GABRA2: variants seen among roughly 807,000 people sequenced by gnomAD.
GABRA2 encodes the protein gamma-aminobutyric acid type A receptor subunit alpha2, also known as gamma-aminobutyric acid receptor subunit alpha-2.
A neutral mutation model predicts 48.7 loss-of-function variants in GABRA2; 16 were observed. The observed-to-expected ratio is 0.33, with a 90% CI of 0.22 to 0.50. The LOEUF (loss-of-function observed/expected upper bound fraction) is 0.50, where lower values mean the gene tolerates loss of function less well. Ranked by LOEUF, GABRA2 falls within the 20% of genes least tolerant of loss-of-function variation. The probability of loss-of-function intolerance (pLI) is 0.98; values close to 1 mark genes in which losing one functional copy is unlikely to be tolerated. For missense variants in GABRA2, 275 were observed against 535.6 expected (o/e 0.51, Z 4.80); for synonymous variants, 185 against 184.5 (o/e 1.00, Z -0.02).
chr4:46,343,498 T>A (rs1332624928), intron 3 of GABRA2, among the ~76,000 whole-genome samples: 3 of 151,742 alleles, frequency 2.0e-5, no homozygotes. Context: ...CTAACCAGCA[T>A]AGGGGAAACT....
chr4:46,313,482 T>A (rs1331444347), intron 4 of GABRA2, among the ~76,000 whole-genome samples: 1 of 152,098 alleles, frequency 6.6e-6, no homozygotes, highest in Non-Finnish European at 1.5e-5. Context: ...CATGTTAAAA[T>A]GTACTTTAAA....
chr4:46,380,629 G>A (rs947220644), intron 3 of GABRA2, among the ~76,000 whole-genome samples: 1 of 152,142 alleles, frequency 6.6e-6, no homozygotes, highest in African/African-American at 2.4e-5. Context: ...CTGAAGCAAG[G>A]AGAGGTTGAG....
intron 4 of GABRA2, among the ~76,000 whole-genome samples, chr4:46,329,118 A>G (rs1001868583): frequency 5.9e-5 from 9 of 152,204 alleles, no homozygotes; most frequent in Admixed American, 5.2e-4. Context: ...TGATCAAACT[A>G]TCTCCTGGTC....
intron 3 of GABRA2, among the ~76,000 whole-genome samples, chr4:46,340,115 C>T (rs1030210066): frequency 3.5e-4 from 53 of 151,792 alleles, no homozygotes; most frequent in African/African-American, 2.7e-4. Context: ...GACTTCTTAC[C>T]TCCTCTGTTG....
intron 8 of GABRA2, among the ~76,000 whole-genome samples, chr4:46,294,095 C>G (rs1311714790): frequency 2.0e-5 from 3 of 152,204 alleles, no homozygotes. Flanking sequence ...CAGCAACACC[C>G]CTTTACTTTC....
intron 8 of GABRA2, among the ~76,000 whole-genome samples, chr4:46,264,579 G>A (rs1388752656): frequency 1.3e-5 from 2 of 151,912 alleles, no homozygotes; most frequent in Non-Finnish European, 2.9e-5. Flanking sequence ...GCTGATTTTA[G>A]TTTGCTAGTA....
chr4:46,329,291 T>C lies in GABRA2; in HGVS notation c.255+3324A>G, dbSNP rs139234938. Among the ~76,000 whole-genome samples the C allele has an allele frequency of 7.2e-4, 110 of 152,202 alleles. 1 individual carries two copies. Among genetic ancestry groups the C allele is most frequent in the Middle Eastern group, 3.4e-3 (1 of 294 alleles). On this transcript the variant is annotated intron_variant, in intron 4 of 9. Transcript: ENST00000381620. ...CTAATACAATGTCAGGTTTTGTCAA[T>C]AGAGGGTGCTGGAGGGACACTCCAA...
intron 8 of GABRA2, among the ~76,000 whole-genome samples, chr4:46,283,099 C>A (rs1238423233): frequency 6.6e-6 from 1 of 152,138 alleles, no homozygotes; most frequent in Admixed American, 6.5e-5. Flanking sequence ...AAACTACTAG[C>A]TATCAATCTG....
At chr4:46,317,448 A>G (rs2109727837) in intron 4 of GABRA2, among the ~76,000 whole-genome samples, 1 of 151,934 alleles carries the variant, frequency 6.6e-6, no homozygotes, top group Non-Finnish European at 1.5e-5. Flanking sequence ...CATTATTAAG[A>G]GTAAGAATGT....
In GABRA2 at chr4:46,339,040, T is replaced by C. The variant is rs139473534; in HGVS notation, c.188-6358A>G. Reference sequence around the variant, plus strand: ...ATATAGTTCCCAACACAATGGAATATAGCAATGAGTAAGTGAGTGAGTGAG... The same window carrying C: ...ATATAGTTCCCAACACAATGGAATACAGCAATGAGTAAGTGAGTGAGTGAG... On this transcript the variant is annotated intron_variant, in intron 3 of 9. Transcript: ENST00000381620. Among the ~76,000 whole-genome samples, 636 of 152,004 alleles carry C rather than the reference T, an allele frequency of 4.2e-3. 4 individuals carry two copies. The highest frequency in any genetic ancestry group is 0.015 in the African/African-American group (619 of 41,540).
chr4:46,289,763 T>G (rs1723230480), intron 8 of GABRA2, among the ~76,000 whole-genome samples: 1 of 152,148 alleles, frequency 6.6e-6, no homozygotes, highest in Non-Finnish European at 1.5e-5. Context: ...GTTTCTGGGC[T>G]CTCAATTCTA....
At chr4:46,372,121 A>T (rs1321500952) in intron 3 of GABRA2, among the ~76,000 whole-genome samples, 1 of 152,148 alleles carries the variant, frequency 6.6e-6, no homozygotes, top group Non-Finnish European at 1.5e-5. Flanking sequence ...AGGCACTGAA[A>T]GAAGAAGTAA....
At chr4:46,335,124 A>T (rs1005559535) in intron 3 of GABRA2, among the ~76,000 whole-genome samples, 4 of 152,146 alleles carry the variant, frequency 2.6e-5, no homozygotes, top group Non-Finnish European at 5.9e-5. Context: ...GGCTTTCTAT[A>T]AGACAAGGAA....
chr4:46,282,714 C>T (rs1245757669), intron 8 of GABRA2, among the ~76,000 whole-genome samples: 1 of 152,134 alleles, frequency 6.6e-6, no homozygotes, highest in Non-Finnish European at 1.5e-5. Flanking sequence ...AAAGATCAGA[C>T]CATCCTTTAA....
intron 9 of GABRA2, among the ~76,000 whole-genome samples, chr4:46,252,775 A>T (rs909699740): frequency 1.3e-5 from 2 of 151,526 alleles, no homozygotes; most frequent in Non-Finnish European, 3.0e-5. Flanking sequence ...TTGAAACATC[A>T]TTTAAAATGA....
intron 8 of GABRA2, among the ~76,000 whole-genome samples, chr4:46,298,575 C>T (rs542972416): frequency 2.6e-5 from 4 of 152,100 alleles, no homozygotes; most frequent in East Asian, 3.9e-4. Context: ...CCTCCACCCA[C>T]TTATCCGTTA....
At chr4:46,253,269 AT>A (rs1201699082) in intron 9 of GABRA2, among the ~76,000 whole-genome samples, 2 of 151,418 alleles carry the variant, frequency 1.3e-5, no homozygotes, top group African/African-American at 4.8e-5. Flanking sequence ...AGTTGCACAT[AT>A]ATGCTCAGGA....
At chr4:46,313,509 G>A (rs998965681) in intron 4 of GABRA2, among the ~76,000 whole-genome samples, 1 of 151,748 alleles carries the variant, frequency 6.6e-6, no homozygotes, top group African/African-American at 2.4e-5. Context: ...TTACAGACCC[G>A]CTAGTGATCA....
At chr4:46,302,126 C>T (rs1319042673) in intron 8 of GABRA2, among the ~76,000 whole-genome samples, 15 of 151,212 alleles carry the variant, frequency 9.9e-5, no homozygotes, top group Admixed American at 5.9e-4. Context: ...TGGAGTGCAA[C>T]GGCATGATCA....
Sources: allele counts gnomAD v4.1 joint callset (sites outside exome capture counted in the v4.1 genomes callset), GRCh38; gene constraint gnomAD v4.1.1; transcripts MANE v1.5; gene names NCBI Gene and HGNC (gene_info 2026-07-23, HGNC 2026-07-21).